LARP7: variants seen among roughly 807,000 people sequenced by gnomAD.
The protein encoded by LARP7 is La ribonucleoprotein 7, transcriptional regulator, also known as la-related protein 7.
A neutral mutation model predicts 69.3 loss-of-function variants in LARP7; 52 were observed. The observed-to-expected ratio is 0.75, with a 90% CI of 0.60 to 0.95. LARP7 has a LOEUF of 0.95. Among genes scored for constraint, LARP7 ranks in the 40% least tolerant of loss-of-function variants. The probability of loss-of-function intolerance (pLI) is 0.00; values close to 1 mark genes in which losing one functional copy is unlikely to be tolerated. For synonymous variants in LARP7, 254 were observed against 215.9 expected, an observed-to-expected ratio of 1.18 and a Z score of -1.55; for missense variants, 733 against 673.0, an observed-to-expected ratio of 1.09 and a Z score of -0.99.
At chr4:112,646,553 T>TA (rs1166870439) in intron 3 of LARP7, 35 bp from the exon 4 acceptor site, 1 of 1,304,326 alleles carries the variant, frequency 7.7e-7, no homozygotes, top group Admixed American at 2.4e-5. Flanking sequence ...TTATAAATAA[T>TA]ATTAGTTTTA....
intron 2 of LARP7, among the ~76,000 whole-genome samples, 184 bp downstream of exon 2, chr4:112,645,055 TCCTGC>T (rs542166245): frequency 3.6e-4 from 53 of 148,818 alleles, no homozygotes; most frequent in Middle Eastern, 3.5e-3. Context: ...CAAGTGATTC[TCCTGC>T]CTCAGCCTCC....
intron 11 of LARP7, 150 bp from the exon 12 acceptor site, chr4:112,653,918 A>T (rs988523374): frequency 1.7e-6 from 1 of 604,450 alleles, no homozygotes; most frequent in East Asian, 2.8e-5. Flanking sequence ...AAAACTAACT[A>T]TTTTTTTTCT....
At position 112,646,740 on chromosome 4, in the gene LARP7, A is replaced by G. The variant is rs763386563; in HGVS notation, c.388-51A>G. ...AACAATATAATTAAGTTAAAAATTT[A>G]TTGACATTCTGATTGTGAAAAACTC... On this transcript the variant is annotated intron_variant, in intron 4 of 12. Transcript: ENST00000344442. 3.9e-6 allele frequency: 6 copies of G among 1,553,118 alleles called. 1 individual carries two copies. The Admixed American group carries it at 8.1e-5, about 21-fold the overall frequency.
intron 1 of LARP7, among the ~76,000 whole-genome samples, chr4:112,639,161 T>C (rs534754402): frequency 3.2e-4 from 48 of 152,284 alleles, no homozygotes; most frequent in African/African-American, 1.1e-3. Context: ...TTACTGGTAT[T>C]GTTACCCAAT....
chr4:112,645,681 G>GC (rs2048171816), intron 2 of LARP7: 2 of 445,276 alleles, frequency 4.5e-6, no homozygotes, highest in Non-Finnish European at 9.0e-6. Context: ...CACCAGGCCG[G>GC]CTTTTTTTTC....
chr4:112,644,223 CA>C, intron 1 of LARP7: 1 of 165,596 alleles, frequency 6.0e-6, no homozygotes. Context: ...GCCTGCACAA[CA>C]AAAGGGAAAC....
intron 5 of LARP7, 39 bp downstream of exon 5, chr4:112,646,994 A>G (rs1240996187): frequency 1.3e-6 from 2 of 1,580,886 alleles, no homozygotes; most frequent in South Asian, 2.4e-5. Context: ...GAAAGAAAAG[A>G]AAACAAGTAT....
intron 11 of LARP7, 68 bp downstream of exon 11, chr4:112,653,304 G>A: frequency 7.7e-7 from 1 of 1,306,086 alleles, no homozygotes; most frequent in South Asian, 1.7e-5. Context: ...TATTTTCTGA[G>A]TTTGGCTAAT....
At chr4:112,653,278 C>T in intron 11 of LARP7, 42 bp downstream of exon 11, 1 of 1,467,850 alleles carries the variant, frequency 6.8e-7, no homozygotes, top group Non-Finnish European at 9.1e-7. Context: ...TGTTATCATC[C>T]TTATTGTGAG....
chr4:112,648,583 CTTCAGAGTAT>C (rs1465130901), intron 8 of LARP7: 1 of 505,652 alleles, frequency 2.0e-6, no homozygotes, highest in Non-Finnish European at 4.1e-6. Flanking sequence ...CTTCTTTGGA[CTTCAGAGTAT>C]TTAGAGCTGA....
intron 12 of LARP7, among the ~76,000 whole-genome samples, chr4:112,655,157 C>T (rs1213821998): frequency 6.6e-6 from 1 of 152,050 alleles, no homozygotes; most frequent in Non-Finnish European, 1.5e-5. Context: ...CCTGTGCTTC[C>T]CAAGGATTCT....
At chr4:112,644,910 G>C in intron 2 of LARP7, 39 bp downstream of exon 2, 1 of 961,238 alleles carries the variant, frequency 1.0e-6, no homozygotes, top group Non-Finnish European at 1.5e-6. Context: ...TTTTAGATAT[G>C]GTTGCCTTTA....
In LARP7 at chr4:112,653,193, A is replaced by G; in HGVS notation, c.1533A>G (p.Thr511=). 1.9e-6 allele frequency: 3 copies of G among 1,600,512 alleles called. No homozygotes were observed. Among genetic ancestry groups the G allele is most frequent in the Non-Finnish European group, 2.6e-6 (3 of 1,175,624 alleles). Residue 511 remains threonine (T), a synonymous_variant, in exon 11 of 13, where the codon ACA becomes ACG. Coordinates refer to ENST00000344442, the MANE Select transcript of LARP7 (RefSeq NM_016648.4). The stretch of plus-strand genomic sequence containing the variant: ...CTCAAGCAGTAATAAATGCCTATAC[A>G]GAAATTAACAAGAAACACTGCTGGA... ...EDAQAVINAY[T]EINKKHCWKL...
At position 112,654,398 on chromosome 4, in the gene LARP7, A is replaced by G. The variant is rs1181404540; in HGVS notation, c.1668+239A>G. 4 of 386,826 alleles carry G rather than the reference A, an allele frequency of 1.0e-5. No homozygotes were observed. The East Asian group carries it at 1.8e-4, about 17-fold the overall frequency. The allele number at this position is 386,826 out of a possible 1,614,324, so 24.0% of individuals were successfully genotyped here. On this transcript the variant is annotated intron_variant, in intron 12 of 12. Transcript: ENST00000344442. ...TTTTAATTTAGATTTTTTCTTTTTA[A>G]CCAGTGATATACTTTAACAGTCTTG...
At chr4:112,651,999 T>G (rs995679263) in intron 10 of LARP7, among the ~76,000 whole-genome samples, 10 of 149,380 alleles carry the variant, frequency 6.7e-5, no homozygotes, top group African/African-American at 2.4e-4. Flanking sequence ...TCTCTGCAGT[T>G]TTTTTTTTTT....
chr4:112,638,250 C>CGCGCCACTGCACTGCAGCCT lies in LARP7; in HGVS notation c.-3+1013_-3+1032dup, dbSNP rs563993393. 2.2e-3 allele frequency among the ~76,000 whole-genome samples: 335 copies of CGCGCCACTGCACTGCAGCCT among 152,286 alleles called. 2 individuals are homozygous for CGCGCCACTGCACTGCAGCCT. Among genetic ancestry groups the CGCGCCACTGCACTGCAGCCT allele is most frequent in the African/African-American group, 7.4e-3 (308 of 41,564 alleles). On this transcript the variant is annotated intron_variant, in intron 1 of 12. Transcript: ENST00000344442. Reference sequence around the variant, plus strand: ...AGCAGAGATTACAGTGAGCCGGGATCGCGCCACTGCACTGCAGCCTGGGCC... The same window carrying CGCGCCACTGCACTGCAGCCT: ...AGCAGAGATTACAGTGAGCCGGGATCGCGCCACTGCACTGCAGCCTGCGCCACTGCACTGCAGCCTGGGCC...
chr4:112,653,408 C>T (rs2048834739), intron 11 of LARP7, among the ~76,000 whole-genome samples, 172 bp downstream of exon 11: 1 of 152,112 alleles, frequency 6.6e-6, no homozygotes, highest in Non-Finnish European at 1.5e-5. Context: ...CTCCCAGTTT[C>T]AAGCAATTCT....
At chr4:112,646,001 T>A (rs1035466942) in intron 2 of LARP7, among the ~76,000 whole-genome samples, 1 of 135,134 alleles carries the variant, frequency 7.4e-6, no homozygotes. Flanking sequence ...TACAGTTTTT[T>A]TTTGTTTGTT....
intron 1 of LARP7, among the ~76,000 whole-genome samples, chr4:112,639,279 G>A (rs1224491787): frequency 6.8e-6 from 1 of 147,706 alleles, no homozygotes; most frequent in Non-Finnish European, 1.5e-5. Context: ...GCACGATCTC[G>A]GCTCGCTGCA....
Sources: gnomAD v4.1 joint callset for allele counts (sites outside exome capture counted in the v4.1 genomes callset) on GRCh38, gnomAD v4.1.1 for gene constraint, MANE v1.5 for transcripts, NCBI Gene and HGNC (gene_info 2026-07-23, HGNC 2026-07-21) for gene names.